ZC3H14: variants seen among roughly 807,000 people sequenced by gnomAD.
ZC3H14 encodes the protein zinc finger CCCH-type containing 14.
In ZC3H14, 31 loss-of-function variants were observed where a neutral mutation model predicts 92.4. The observed-to-expected ratio is 0.34, with a 90% CI of 0.25 to 0.45. The LOEUF (loss-of-function observed/expected upper bound fraction) is 0.45. ZC3H14 is among the 20% of genes least tolerant of loss of function. The probability of loss-of-function intolerance (pLI) is 1.00; values close to 1 mark genes in which losing one functional copy is unlikely to be tolerated. For synonymous variants in ZC3H14, 321 were observed against 300.9 expected (o/e 1.07, Z -0.69); for missense variants, 781 against 897.3 (o/e 0.87, Z 1.66).
At chr14:88,592,580 G>GCCT (rs1327536693) in intron 9 of ZC3H14, among the ~76,000 whole-genome samples, 1 of 129,932 alleles carries the variant, frequency 7.7e-6, no homozygotes, top group African/African-American at 2.9e-5. Context: ...ACTCACCGCA[G>GCCT]CCTCTGCCTT....
chr14:88,626,664 C>T lies in ZC3H14; in HGVS notation c.*14913C>T. The T allele has an allele frequency of 1.5e-6, 1 of 671,450 alleles. No homozygotes were observed. Among genetic ancestry groups the T allele is most frequent in the Non-Finnish European group, 2.4e-6 (1 of 410,838 alleles). The allele number at this position is 671,450 out of a possible 1,614,324, so 41.6% of individuals were successfully genotyped here. On this transcript the variant is annotated 3_prime_UTR_variant, in exon 17 of 17. Coordinates refer to ENST00000251038, the MANE Select transcript of ZC3H14 (RefSeq NM_024824.5). Reference sequence around the variant, plus strand: ...CCCCCTCTCATTAACATTCTTTTCACTCCCTAATTTCTGAAAGAACTAGAT... The same window carrying T: ...CCCCCTCTCATTAACATTCTTTTCATTCCCTAATTTCTGAAAGAACTAGAT...
At chr14:88,599,634 CTG>C (rs1417764213) in intron 10 of ZC3H14, among the ~76,000 whole-genome samples, 2 of 152,090 alleles carry the variant, frequency 1.3e-5, no homozygotes, top group African/African-American at 4.8e-5. Flanking sequence ...CCAGTTCACT[CTG>C]TCTTTATTCT....
At chr14:88,599,424 T>TA (rs1264344814) in intron 10 of ZC3H14, among the ~76,000 whole-genome samples, 1 of 152,154 alleles carries the variant, frequency 6.6e-6, no homozygotes, top group African/African-American at 2.4e-5. Flanking sequence ...GAACAAAAAG[T>TA]AAATGCATGG....
intron 9 of ZC3H14, among the ~76,000 whole-genome samples, chr14:88,582,674 T>C (rs2082040346): frequency 6.6e-6 from 1 of 152,174 alleles, no homozygotes; most frequent in Admixed American, 6.5e-5. Context: ...TTAAGCTATA[T>C]GTTTGTGTGG....
intron 1 of ZC3H14, 57 bp from the exon 2 acceptor site, chr14:88,563,594 G>A (rs918405587): frequency 1.4e-5 from 23 of 1,603,034 alleles, no homozygotes; most frequent in Middle Eastern, 1.6e-4. Flanking sequence ...TGCAGAGTCC[G>A]GTCTTGTTTT....
chr14:88,576,837 C>T (rs931947205), intron 8 of ZC3H14, among the ~76,000 whole-genome samples: 3 of 152,136 alleles, frequency 2.0e-5, no homozygotes, highest in Admixed American at 6.5e-5. Flanking sequence ...GTTGCCCAGG[C>T]TGGAGTGCAG....
In ZC3H14 at chr14:88,605,680, C is replaced by T. The variant is rs554600570; in HGVS notation, c.1748-1563C>T. On this transcript the variant is annotated intron_variant, in intron 12 of 16. Transcript: ENST00000251038. ...ACTATTTTTAAAGTAGCATAGAAAACTGTTTGTATCAGGCATAGTCATAAT... is the reference window on the plus strand; with the variant it reads ...ACTATTTTTAAAGTAGCATAGAAAATTGTTTGTATCAGGCATAGTCATAAT... 6.7e-4 allele frequency among the ~76,000 whole-genome samples: 102 copies of T among 152,254 alleles called. 1 individual carries two copies. Among genetic ancestry groups the T allele is most frequent in the African/African-American group, 2.4e-3 (99 of 41,546 alleles).
chr14:88,583,273 C>A (rs897591551), intron 9 of ZC3H14, among the ~76,000 whole-genome samples: 2 of 151,750 alleles, frequency 1.3e-5, no homozygotes, highest in Non-Finnish European at 2.9e-5. Flanking sequence ...CACGCCACCA[C>A]GCCCAGCTAA....
At chr14:88,565,464 T>G (rs1280482075) in intron 2 of ZC3H14, among the ~76,000 whole-genome samples, 1 of 152,152 alleles carries the variant, frequency 6.6e-6, no homozygotes, top group Non-Finnish European at 1.5e-5. Flanking sequence ...TATTAAAAAA[T>G]AATTATTTTA....
In ZC3H14 at chr14:88,616,614, G is replaced by A; in HGVS notation, c.*4863G>A. 8.9e-7 allele frequency: 1 copy of A among 1,129,556 alleles called. No individual in the cohort carries two copies. The highest frequency in any genetic ancestry group is 1.2e-6 in the Non-Finnish European group (1 of 820,392). 70.0% of individuals were successfully genotyped at this position (1,129,556 alleles called of 1,614,324 possible). A position where few individuals can be genotyped will look rare whatever the true frequency, so the allele number is the denominator to read the frequency against. On this transcript the variant is annotated 3_prime_UTR_variant, in exon 17 of 17. Coordinates refer to ENST00000251038, the MANE Select transcript of ZC3H14 (RefSeq NM_024824.5). ...AAGTAAATAGATTTAGAAAGTTTGG[G>A]GAAAAATTTAGAAATTAGGACAAAA...
In ZC3H14 at chr14:88,622,292, G is replaced by T; in HGVS notation, c.*10541G>T. 1 of 232,630 alleles carries T rather than the reference G, an allele frequency of 4.3e-6. No homozygotes were observed. The highest frequency in any genetic ancestry group is 8.4e-6 in the Non-Finnish European group (1 of 119,718). 14.4% of individuals were successfully genotyped at this position (232,630 alleles called of 1,614,324 possible). Reference sequence around the variant, plus strand: ...GGGAATGTGTGTTTTTTTAAAAAATGGAGACAGCTGTCCTAATATGAGTCA... The same window carrying T: ...GGGAATGTGTGTTTTTTTAAAAAATTGAGACAGCTGTCCTAATATGAGTCA... On this transcript the variant is annotated 3_prime_UTR_variant, in exon 17 of 17. Coordinates refer to ENST00000251038, the MANE Select transcript of ZC3H14 (RefSeq NM_024824.5).
intron 3 of ZC3H14, among the ~76,000 whole-genome samples, chr14:88,569,936 A>G (rs2080177759): frequency 6.6e-6 from 1 of 152,122 alleles, no homozygotes; most frequent in Non-Finnish European, 1.5e-5. Flanking sequence ...CCCAGAGGTT[A>G]TTCCCTCCCA....
At chr14:88,565,137 T>A (rs1029398747) in intron 2 of ZC3H14, among the ~76,000 whole-genome samples, 5 of 152,098 alleles carry the variant, frequency 3.3e-5, no homozygotes, top group Non-Finnish European at 5.9e-5. Flanking sequence ...TTAAAAAAAA[T>A]TTGTTATTAT....
intron 3 of ZC3H14, among the ~76,000 whole-genome samples, chr14:88,570,675 C>T (rs1372016495): frequency 6.6e-6 from 1 of 152,112 alleles, no homozygotes; most frequent in Non-Finnish European, 1.5e-5. Context: ...GATATTCTTT[C>T]CCATATTTTT....
rs567347301 is a variant in ZC3H14 at position 88,574,282 on chromosome 14, G to T, written c.862-411G>T. 3.4e-5 allele frequency: 6 copies of T among 175,266 alleles called. No individual in the cohort carries two copies. The South Asian group carries it at 7.5e-4, about 22-fold the overall frequency. 10.9% of individuals were successfully genotyped at this position (175,266 alleles called of 1,614,324 possible). A position where few individuals can be genotyped will look rare whatever the true frequency, so the allele number is the denominator to read the frequency against. On this transcript the variant is annotated intron_variant, in intron 6 of 16. Transcript: ENST00000251038. Reference sequence around the variant, plus strand: ...TTATTTTGATACGGTGTCTCACTCTGTCGCCCAGGCTGGAGTGCAGTGGCA... The same window carrying T: ...TTATTTTGATACGGTGTCTCACTCTTTCGCCCAGGCTGGAGTGCAGTGGCA...
chr14:88,572,320 AT>A, intron 5 of ZC3H14, 95 bp downstream of exon 5: 1 of 1,397,570 alleles, frequency 7.2e-7, no homozygotes, highest in African/African-American at 1.4e-5. Context: ...GTTCTCAGCA[AT>A]TTTTAGAAAC....
intron 9 of ZC3H14, chr14:88,594,707 T>A: frequency 1.2e-6 from 2 of 1,613,856 alleles, no homozygotes; most frequent in Non-Finnish European, 1.7e-6. Context: ...GAAAATGTCT[T>A]TGAGGTTCCT....
At position 88,571,116 on chromosome 14, in the gene ZC3H14, T is replaced by C. The variant is rs779078981; in HGVS notation, c.227T>C (p.Val76Ala). Residue 76 changes from valine (V) to alanine (A), a missense_variant, in exon 4 of 17, where the codon GTT becomes GCT. Around this residue, in one of 3 missense-constraint regions of ZC3H14, gnomAD observed 106 missense variants for 154.2 expected, o/e 0.69. Coordinates refer to ENST00000251038, the MANE Select transcript of ZC3H14 (RefSeq NM_024824.5). ...LHGVLDKLRS[V>A]TTEPSSLKSS... is the part of the protein sequence containing the mutation. ...GGTGTATTAGATAAACTTCGCTCTG[T>C]TACAACTGGTAAGATTCATAACTTT... The C allele has an allele frequency of 4.4e-6, 7 of 1,585,846 alleles. No individual in the cohort carries two copies. The highest frequency in any genetic ancestry group is 5.1e-6 in the Non-Finnish European group (6 of 1,165,766).
At chr14:88,573,514 A>T (rs1198974189) in intron 6 of ZC3H14, among the ~76,000 whole-genome samples, 1 of 151,454 alleles carries the variant, frequency 6.6e-6, no homozygotes, top group Non-Finnish European at 1.5e-5. Flanking sequence ...ACTCACTGCA[A>T]CCTCCACCTC....
Sources: allele counts gnomAD v4.1 joint callset (sites outside exome capture counted in the v4.1 genomes callset), GRCh38; gene constraint gnomAD v4.1.1; regional missense constraint gnomAD v4.1.1; transcripts MANE v1.5; gene names NCBI Gene and HGNC (gene_info 2026-07-23, HGNC 2026-07-21).